The following TMEM154 variants were observed in gnomAD, a reference collection of about 807,000 sequenced individuals.
TMEM154 encodes the protein transmembrane protein 154.
TMEM154 carries 27 observed loss-of-function variants against 24.5 expected under a neutral mutation model. That is an observed-to-expected ratio of 1.10 (90% confidence interval 0.81 to 1.52). The LOEUF (loss-of-function observed/expected upper bound fraction) is 1.52, where lower values mean the gene tolerates loss of function less well. TMEM154 is among the 40% of genes most tolerant of loss of function. The pLI is 0.00. For missense variants in TMEM154, 228 were observed against 213.4 expected (o/e 1.07, Z -0.43); for synonymous variants, 67 against 76.8 (o/e 0.87, Z 0.67).
At chr4:152,655,798 C>T (rs758378625) in intron 1 of TMEM154, among the ~76,000 whole-genome samples, 4 of 152,172 alleles carry the variant, frequency 2.6e-5, no homozygotes, top group Non-Finnish European at 5.9e-5. Context: ...GCAATCCCAT[C>T]CTCTGCAGTA....
At chr4:152,651,020 T>A (rs1443725870) in intron 3 of TMEM154, among the ~76,000 whole-genome samples, 3 of 152,208 alleles carry the variant, frequency 2.0e-5, no homozygotes, top group African/African-American at 7.2e-5. Flanking sequence ...GCAGAGTAGA[T>A]TTAGCATAAT....
intron 4 of TMEM154, 128 bp downstream of exon 4, chr4:152,644,287 C>A: frequency 9.5e-7 from 1 of 1,053,476 alleles, no homozygotes; most frequent in East Asian, 2.5e-5. Context: ...CCAAGGATCT[C>A]CAACCCCGCC....
At chr4:152,650,845 G>C (rs1355953077) in intron 3 of TMEM154, among the ~76,000 whole-genome samples, 1 of 152,142 alleles carries the variant, frequency 6.6e-6, no homozygotes, top group African/African-American at 2.4e-5. Flanking sequence ...ATCTCCACCA[G>C]GCCTCTTGGG....
chr4:152,621,638 C>A lies in TMEM154; in HGVS notation c.*6908G>T, dbSNP rs138884962. ...ATAATACTGACTGGTCTTTGTGAGC[C>A]GAAAGAATAAATCCTTATTCAAGGA... is the stretch of plus-strand genomic sequence containing the variant. On this transcript the variant is annotated 3_prime_UTR_variant, in exon 7 of 7. Coordinates refer to ENST00000304385, the MANE Select transcript of TMEM154 (RefSeq NM_152680.3). 1 of 152,026 alleles carries A rather than the reference C, an allele frequency of 6.6e-6. No homozygotes were observed. Among genetic ancestry groups the A allele is most frequent in the South Asian group, 2.1e-4 (1 of 4,826 alleles). 9.4% of individuals were successfully genotyped at this position (152,026 alleles called of 1,614,324 possible).
rs1249482359 is a variant in TMEM154 at position 152,620,206 on chromosome 4, C to T, written c.*8340G>A. 6.6e-6 allele frequency: 1 copy of T among 152,214 alleles called. No individual in the cohort carries two copies. The highest frequency in any genetic ancestry group is 1.5e-5 in the Non-Finnish European group (1 of 68,036). 9.4% of individuals were successfully genotyped at this position (152,214 alleles called of 1,614,324 possible). Reference sequence around the variant, plus strand: ...TCTAACTTGAGAGTCCCTGGACATGCCTCTCCACTGCAACCTTAAAGAGGA... The same window carrying T: ...TCTAACTTGAGAGTCCCTGGACATGTCTCTCCACTGCAACCTTAAAGAGGA... On this transcript the variant is annotated 3_prime_UTR_variant, in exon 7 of 7. Transcript: ENST00000304385.
At chr4:152,636,815 A>G (rs1294771639) in intron 6 of TMEM154, among the ~76,000 whole-genome samples, 1 of 152,244 alleles carries the variant, frequency 6.6e-6, no homozygotes, top group Non-Finnish European at 1.5e-5. Flanking sequence ...TCTAGCATCA[A>G]GGAAAGTGGA....
chr4:152,642,564 A>G (rs983633000), intron 5 of TMEM154, among the ~76,000 whole-genome samples: 1 of 152,340 alleles, frequency 6.6e-6, no homozygotes, highest in Admixed American at 6.5e-5. Context: ...TTCTAAAGTG[A>G]TAGAAATATT....
At chr4:152,662,893 C>T (rs1022091519) in intron 1 of TMEM154, among the ~76,000 whole-genome samples, 2 of 152,102 alleles carry the variant, frequency 1.3e-5, no homozygotes, top group South Asian at 2.1e-4. Flanking sequence ...CCCTGTGCTG[C>T]GCTCCAGGAC....
intron 6 of TMEM154, among the ~76,000 whole-genome samples, chr4:152,637,089 C>T (rs541472533): frequency 1.3e-5 from 2 of 152,184 alleles, no homozygotes; most frequent in African/African-American, 4.8e-5. Flanking sequence ...GGAGGCTGTG[C>T]ATGTGTGAGG....
chr4:152,671,864 G>T (rs1212557315), intron 1 of TMEM154, among the ~76,000 whole-genome samples: 1 of 151,870 alleles, frequency 6.6e-6, no homozygotes, highest in Non-Finnish European at 1.5e-5. Flanking sequence ...AGGCCCCTGT[G>T]ACATGTCCAG....
At chr4:152,679,456 T>C (rs999031263) in intron 1 of TMEM154, among the ~76,000 whole-genome samples, 1 of 151,978 alleles carries the variant, frequency 6.6e-6, no homozygotes, top group Non-Finnish European at 1.5e-5. Flanking sequence ...TTCCAGGAGA[T>C]TTTGGAATCA....
intron 1 of TMEM154, chr4:152,669,946 C>A (rs950927453): frequency 4.6e-5 from 7 of 152,208 alleles, no homozygotes; most frequent in African/African-American, 1.7e-4. Flanking sequence ...TCCTCAACAA[C>A]TGGAGTAGAT....
At chr4:152,647,058 G>A (rs1728262524) in intron 3 of TMEM154, 1 of 852,622 alleles carries the variant, frequency 1.2e-6, no homozygotes, top group African/African-American at 1.7e-5. Flanking sequence ...AACATGAAAT[G>A]GACAAGCCCA....
chr4:152,638,152 A>T (rs1246027625), intron 6 of TMEM154, among the ~76,000 whole-genome samples: 1 of 152,158 alleles, frequency 6.6e-6, no homozygotes, highest in Non-Finnish European at 1.5e-5. Flanking sequence ...TGTGGTCCCA[A>T]CTACTCTGGA....
chr4:152,642,120 T>C (rs1486852004), intron 5 of TMEM154, among the ~76,000 whole-genome samples: 1 of 151,826 alleles, frequency 6.6e-6, no homozygotes, highest in Non-Finnish European at 1.5e-5. Context: ...TGTTTCACCA[T>C]GTTGGCCAGG....
chr4:152,645,876 A>G (rs1752359442), intron 3 of TMEM154, among the ~76,000 whole-genome samples: 1 of 151,656 alleles, frequency 6.6e-6, no homozygotes, highest in Non-Finnish European at 1.5e-5. Context: ...TCCAGTAGGC[A>G]TCTAAAGCTT....
At chr4:152,641,910 T>TTC (rs1416032656) in intron 5 of TMEM154, among the ~76,000 whole-genome samples, 2 of 106,836 alleles carry the variant, frequency 1.9e-5, no homozygotes, top group African/African-American at 3.4e-5. Flanking sequence ...ATTCTTTTTT[T>TTC]TTTTTTTTTT....
intron 1 of TMEM154, among the ~76,000 whole-genome samples, chr4:152,657,206 GT>G (rs1313613146): frequency 6.7e-6 from 1 of 148,966 alleles, no homozygotes; most frequent in African/African-American, 2.5e-5. Context: ...GAAAATGAGT[GT>G]TAGAAAACCT....
At chr4:152,650,380 A>C (rs1728352721) in intron 3 of TMEM154, among the ~76,000 whole-genome samples, 1 of 152,142 alleles carries the variant, frequency 6.6e-6, no homozygotes, top group Non-Finnish European at 1.5e-5. Context: ...CAAAAAAAAA[A>C]ACAAAACTCT....
Sources: allele counts gnomAD v4.1 joint callset (sites outside exome capture counted in the v4.1 genomes callset), GRCh38; gene constraint gnomAD v4.1.1; transcripts MANE v1.5; gene names NCBI Gene and HGNC (gene_info 2026-07-23, HGNC 2026-07-21).